The following LUZP2 variants were observed in gnomAD, a reference collection of about 807,000 sequenced individuals.
LUZP2 encodes the protein leucine zipper protein 2.
Under a neutral mutation model 51.6 loss-of-function variants are expected in LUZP2, and 52 were observed. The observed-to-expected ratio is 1.01, with a 90% CI of 0.81 to 1.27. The LOEUF (loss-of-function observed/expected upper bound fraction) is 1.27. LUZP2 is among the 50% of genes most tolerant of loss of function. The pLI is 0.00. For missense variants in LUZP2, 436 were observed against 395.4 expected (o/e 1.10, Z -0.87); for synonymous variants, 154 against 137.3 (o/e 1.12, Z -0.85).
intron 1 of LUZP2, among the ~76,000 whole-genome samples, chr11:24,561,696 T>C (rs1455785134): frequency 6.6e-6 from 1 of 151,880 alleles, no homozygotes; most frequent in Non-Finnish European, 1.5e-5. Flanking sequence ...AGGAGAGGGA[T>C]AGCATTAGGA....
intron 1 of LUZP2, among the ~76,000 whole-genome samples, chr11:24,588,227 C>A (rs972199796): frequency 2.6e-5 from 4 of 151,964 alleles, no homozygotes; most frequent in African/African-American, 9.7e-5. Flanking sequence ...TCTGAGTCAT[C>A]CTTGAATCAT....
intron 5 of LUZP2, among the ~76,000 whole-genome samples, chr11:24,819,939 T>G (rs531692920): frequency 6.6e-6 from 1 of 152,142 alleles, no homozygotes; most frequent in African/African-American, 2.4e-5. Flanking sequence ...TTATAGGCAT[T>G]AAATTTCAAT....
At chr11:24,875,530 C>T (rs1268653652) in intron 5 of LUZP2, among the ~76,000 whole-genome samples, 10 of 144,360 alleles carry the variant, frequency 6.9e-5, no homozygotes, top group Admixed American at 6.3e-4. Flanking sequence ...GGTTCCAAGT[C>T]TTTGCTATTG....
intron 7 of LUZP2, among the ~76,000 whole-genome samples, chr11:24,940,708 T>G (rs1384138682): frequency 6.6e-6 from 1 of 152,184 alleles, no homozygotes; most frequent in Non-Finnish European, 1.5e-5. Context: ...CAATTTTACT[T>G]TCTTTTGATC....
chr11:24,919,910 T>C (rs1400770841), intron 7 of LUZP2, among the ~76,000 whole-genome samples: 1 of 151,700 alleles, frequency 6.6e-6, no homozygotes, highest in Non-Finnish European at 1.5e-5. Flanking sequence ...CTGGATGTTT[T>C]ATTAAAGAAA....
intron 5 of LUZP2, among the ~76,000 whole-genome samples, chr11:24,824,366 CAAAAAAAAAAA>C (rs3078050): frequency 1.3e-3 from 36 of 27,578 alleles, no homozygotes; most frequent in Admixed American, 5.1e-3. Flanking sequence ...AACCCCATCT[CAAAAAAAAAAA>C]AAAAAAAAAA....
chr11:24,925,195 C>T (rs1854189533), intron 7 of LUZP2, among the ~76,000 whole-genome samples: 1 of 152,020 alleles, frequency 6.6e-6, no homozygotes, highest in Admixed American at 6.6e-5. Context: ...TCTGCTTTGC[C>T]AGTCTTAAGG....
intron 5 of LUZP2, among the ~76,000 whole-genome samples, chr11:24,804,831 A>T (rs1849805366): frequency 6.6e-6 from 1 of 151,608 alleles, no homozygotes; most frequent in Non-Finnish European, 1.5e-5. Flanking sequence ...TATGAGAAGA[A>T]CCTTCTTTAT....
rs181915544 is a variant in LUZP2 at position 24,624,701 on chromosome 11, C to T, written c.63-104468C>T. 9.6e-4 allele frequency among the ~76,000 whole-genome samples: 146 copies of T among 152,198 alleles called. 2 individuals are homozygous for T. The highest frequency in any genetic ancestry group is 3.2e-3 in the African/African-American group (131 of 41,544). ...TTTTGGAATAGGAAAGGCATACCTG[C>T]ACTTTTATCCTATTATGTTATTAGC... On this transcript the variant is annotated intron_variant, in intron 1 of 11. Coordinates refer to ENST00000336930, the MANE Select transcript of LUZP2 (RefSeq NM_001009909.4).
intron 5 of LUZP2, among the ~76,000 whole-genome samples, chr11:24,784,294 T>C (rs1040050778): frequency 2.0e-5 from 3 of 151,896 alleles, no homozygotes; most frequent in African/African-American, 7.2e-5. Flanking sequence ...TTATTACCAT[T>C]AATGTTGAAA....
intron 4 of LUZP2, among the ~76,000 whole-genome samples, chr11:24,758,937 A>G (rs1044222964): frequency 6.6e-6 from 1 of 152,112 alleles, no homozygotes; most frequent in African/African-American, 2.4e-5. Context: ...AAAGATGTAT[A>G]TCTGAAAAAA....
At chr11:24,936,600 A>G (rs1854595188) in intron 7 of LUZP2, among the ~76,000 whole-genome samples, 1 of 151,496 alleles carries the variant, frequency 6.6e-6, no homozygotes, top group Non-Finnish European at 1.5e-5. Context: ...TCCTGATCGT[A>G]GCTGTTTTAT....
chr11:24,619,472 C>T (rs1854420273), intron 1 of LUZP2, among the ~76,000 whole-genome samples: 1 of 152,164 alleles, frequency 6.6e-6, no homozygotes, highest in African/African-American at 2.4e-5. Flanking sequence ...ACTTGAAAGA[C>T]ACTGGCACAT....
chr11:24,998,234 G>A (rs1438775911), intron 9 of LUZP2, among the ~76,000 whole-genome samples: 4 of 152,174 alleles, frequency 2.6e-5, no homozygotes, highest in East Asian at 1.9e-4. Context: ...TCACGATATC[G>A]ATTCTTCCTA....
At chr11:24,651,393 C>G (rs1327393181) in intron 1 of LUZP2, among the ~76,000 whole-genome samples, 1 of 152,048 alleles carries the variant, frequency 6.6e-6, no homozygotes, top group African/African-American at 2.4e-5. Flanking sequence ...GACACAACTA[C>G]AAATACACAC....
intron 5 of LUZP2, among the ~76,000 whole-genome samples, chr11:24,854,712 C>T (rs1480347411): frequency 6.6e-6 from 1 of 151,742 alleles, no homozygotes; most frequent in Non-Finnish European, 1.5e-5. Flanking sequence ...TGGCATCTGC[C>T]CAAACAACTG....
intron 1 of LUZP2, among the ~76,000 whole-genome samples, chr11:24,517,266 A>G (rs2133790790): frequency 6.6e-6 from 1 of 152,024 alleles, no homozygotes; most frequent in Admixed American, 6.6e-5. Context: ...TGGGCGGATC[A>G]TGAGGTCAGG....
At chr11:24,497,961 A>G (rs1303522353) in intron 1 of LUZP2, among the ~76,000 whole-genome samples, 1 of 152,192 alleles carries the variant, frequency 6.6e-6, no homozygotes, top group East Asian at 1.9e-4. Context: ...AGAAACAATT[A>G]AGTACTGTAC....
At chr11:24,717,583 ATTT>A (rs71041797) in intron 1 of LUZP2, among the ~76,000 whole-genome samples, 25 of 143,242 alleles carry the variant, frequency 1.7e-4, no homozygotes, top group Non-Finnish European at 1.5e-4. Flanking sequence ...AATTTTTTGT[ATTT>A]TTTTTTTTTT....
Sources: allele counts gnomAD v4.1 joint callset (sites outside exome capture counted in the v4.1 genomes callset), GRCh38; gene constraint gnomAD v4.1.1; transcripts MANE v1.5; gene names NCBI Gene and HGNC (gene_info 2026-07-23, HGNC 2026-07-21).